The following KLF2 variants were observed in gnomAD, a reference collection of about 807,000 sequenced individuals.
KLF2 encodes KLF transcription factor 2, also known as Krueppel-like factor 2.
Under a neutral mutation model 22.2 loss-of-function variants are expected in KLF2, and 9 were observed. That is an observed-to-expected ratio of 0.40 (90% CI 0.24 to 0.71). The LOEUF (loss-of-function observed/expected upper bound fraction) is 0.71. Among genes scored for constraint, KLF2 ranks in the 30% least tolerant of loss-of-function variants. The probability of loss-of-function intolerance (pLI) is 0.35; values close to 1 mark genes in which losing one functional copy is unlikely to be tolerated. For missense variants in KLF2, 481 were observed against 542.1 expected, an observed-to-expected ratio of 0.89 and a Z score of 1.12; for synonymous variants, 299 against 264.2, an observed-to-expected ratio of 1.13 and a Z score of -1.28.
chr19:16,327,027 T>A lies in KLF2; in HGVS notation c.1064T>A (p.Met355Lys), dbSNP rs1265477199. ...CTGGCGCTGCACATGAAACGGCACA[T>A]GTAGCCGGGACGCCCCCGCCCACCT... ...DHLALHMKRHM is the reference protein window; with the variant it reads ...DHLALHMKRHK Residue 355 changes from methionine (M) to lysine (K), a missense_variant, in exon 3 of 3, where the codon ATG (methionine) becomes AAG (lysine). Physicochemically the swap from Met to Lys is moderately conservative, Grantham distance 95. Coordinates refer to ENST00000248071, the MANE Select transcript of KLF2 (RefSeq NM_016270.4). 6.3e-7 allele frequency: 1 copy of A among 1,591,120 alleles called. No homozygotes were observed. The highest frequency in any genetic ancestry group is 1.3e-5 in the African/African-American group (1 of 74,650).
chr19:16,326,137 T>C (rs2145197025), intron 2 of KLF2, 105 bp downstream of exon 2: 1 of 1,147,978 alleles, frequency 8.7e-7, no homozygotes, highest in Non-Finnish European at 1.2e-6. Context: ...CCTTGGGGCG[T>C]GGCTCAGGGG....
chr19:16,326,803 C>T (rs2091891539), intron 2 of KLF2, 53 bp from the exon 3 acceptor site: 2 of 1,559,498 alleles, frequency 1.3e-6, no homozygotes, highest in Non-Finnish European at 1.7e-6. Context: ...GGTAGCCATA[C>T]GTGCCCTGTC....
Position 16,327,195 on chromosome 19 carries a change from C to G in KLF2, c.*164C>G, listed in dbSNP as rs890260067. 9.6e-6 allele frequency: 6 copies of G among 622,112 alleles called. No individual in the cohort carries two copies. Among genetic ancestry groups the G allele is most frequent in the Admixed American group, 3.3e-5 (1 of 30,300 alleles). The allele number at this position is 622,112 out of a possible 1,614,324, so 38.5% of individuals were successfully genotyped here. A position where few individuals can be genotyped will look rare whatever the true frequency, so the allele number is the denominator to read the frequency against. On this transcript the variant is annotated 3_prime_UTR_variant, in exon 3 of 3. Transcript: ENST00000248071. The stretch of plus-strand genomic sequence containing the variant: ...GATGACGACGACGACGACGCCACCA[C>G]CCCAGCCCCCGTCTGTGACTGAAGG...
chr19:16,325,496 G>A lies in KLF2; in HGVS notation c.356G>A (p.Arg119His), dbSNP rs1371663407. Reference sequence around the variant, plus strand: ...CGCTTTCTGCTGGCGCCGCCCGGCCGCCTGGTCAAGGCCGAGCCCCCTGAA... The same window carrying A: ...CGCTTTCTGCTGGCGCCGCCCGGCCACCTGGTCAAGGCCGAGCCCCCTGAA... ...HGRFLLAPPGRLVKAEPPEAD... is the reference protein window; with the variant it reads ...HGRFLLAPPGHLVKAEPPEAD... The change falls in exon 2 of 3, where the codon CGC (arginine) becomes CAC (histidine). Residue 119 changes from arginine to histidine, a missense_variant. Physicochemically the swap from Arg to His is conservative, Grantham distance 29. Transcript: ENST00000248071. 9.6e-6 allele frequency: 13 copies of A among 1,349,662 alleles called. No individual in the cohort carries two copies. The African/African-American group carries it at 1.4e-4, about 14-fold the overall frequency. The allele number at this position is 1,349,662 out of a possible 1,614,324, so 83.6% of individuals were successfully genotyped here. A position where few individuals can be genotyped will look rare whatever the true frequency, so the allele number is the denominator to read the frequency against.
rs567100463 is a variant in KLF2 at position 16,325,005 on chromosome 19, G to A, written c.75+7G>A. 45 of 1,580,834 alleles carry A rather than the reference G, an allele frequency of 2.8e-5. No individual in the cohort carries two copies. The African/African-American group carries it at 5.1e-4, about 18-fold the overall frequency. ...CGAGCGCGGCCTGCAGGAGGTGAGG[G>A]CGGCGGGGACGGCGGGGCGGCCGGG... On this transcript the variant is annotated splice_region_variant and intron_variant, in intron 1 of 2. Transcript: ENST00000248071.
intron 2 of KLF2, 45 bp from the exon 3 acceptor site, chr19:16,326,811 G>C (rs779606953): frequency 1.3e-6 from 2 of 1,581,160 alleles, no homozygotes; most frequent in African/African-American, 1.3e-5. Flanking sequence ...TACGTGCCCT[G>C]TCCTGGGAGG....
intron 1 of KLF2, 32 bp from the exon 2 acceptor site, chr19:16,325,184 C>T (rs1204372898): frequency 3.0e-5 from 43 of 1,455,684 alleles, no homozygotes; most frequent in Non-Finnish European, 3.3e-5. Context: ...AGCCCCGCCG[C>T]CCGCTCACGC....
At chr19:16,326,406 T>C (rs923205394) in intron 2 of KLF2, among the ~76,000 whole-genome samples, 12 of 151,848 alleles carry the variant, frequency 7.9e-5, no homozygotes, top group African/African-American at 2.9e-4. Context: ...TGGCTCAGAA[T>C]CCCCGGGGCT....
Position 16,325,526 on chromosome 19 carries a change from A to ACGGCGG in KLF2, c.394_399dup (p.Gly132_Gly133dup), listed in dbSNP as rs772362936. The ACGGCGG allele has an allele frequency of 2.4e-6, 3 of 1,267,336 alleles. No homozygotes were observed. The highest frequency in any genetic ancestry group is 3.4e-5 in the East Asian group (1 of 29,346). The allele number at this position is 1,267,336 out of a possible 1,614,324, so 78.5% of individuals were successfully genotyped here. ...GTCAAGGCCGAGCCCCCTGAAGCGG[A>ACGGCGG]CGGCGGCGGCGGCTACGGCTGCGCC... On this transcript the variant is annotated inframe_insertion, in exon 2 of 3. Transcript: ENST00000248071.
At chr19:16,325,097 C>T in intron 1 of KLF2, 99 bp downstream of exon 1, 1 of 1,339,562 alleles carries the variant, frequency 7.5e-7, no homozygotes, top group Non-Finnish European at 1.0e-6. Flanking sequence ...AAGGCGGGGA[C>T]TGCAGACTCA....
chr19:16,325,391 A>G lies in KLF2; in HGVS notation c.251A>G (p.Tyr84Cys). 7.0e-7 allele frequency: 1 copy of G among 1,422,004 alleles called. No individual in the cohort carries two copies. Among genetic ancestry groups the G allele is most frequent in the African/African-American group, 1.5e-5 (1 of 65,502 alleles). The allele number at this position is 1,422,004 out of a possible 1,614,324, so 88.1% of individuals were successfully genotyped here. A position where few individuals can be genotyped will look rare whatever the true frequency, so the allele number is the denominator to read the frequency against. ...YYPEPGAPPP[Y>C]SAPAGGLVSE... ...CCCGAACCCGGCGCGCCCCCGCCCT[A>G]CAGCGCCCCCGCGGGTGGCCTGGTG... Residue 84 changes from tyrosine to cysteine, a missense_variant, in exon 2 of 3, where the codon TAC becomes TGC. Tyr to Cys is a radical substitution (Grantham distance 194). This residue lies in a region of KLF2 where 421 missense variants were observed against 435.1 expected (regional missense o/e 0.97). Transcript: ENST00000248071.
chr19:16,325,299 G>C lies in KLF2; in HGVS notation c.159G>C (p.Leu53=). The change falls in exon 2 of 3, where the codon CTG becomes CTC. Residue 53 remains leucine (L), a synonymous_variant. Coordinates refer to ENST00000248071, the MANE Select transcript of KLF2 (RefSeq NM_016270.4). The part of the protein sequence containing the change: ...SVLDFILSMG[L]DGLGAEAAPE... ...TGGACTTCATCCTGTCCATGGGGCT[G>C]GATGGCCTGGGCGCCGAGGCCGCCC... 1 of 1,507,886 alleles carries C rather than the reference G, an allele frequency of 6.6e-7. No homozygotes were observed. The highest frequency in any genetic ancestry group is 8.8e-7 in the Non-Finnish European group (1 of 1,134,232). 93.4% of individuals were successfully genotyped at this position (1,507,886 alleles called of 1,614,324 possible).
chr19:16,326,942 A>T lies in KLF2; in HGVS notation c.979A>T (p.Thr327Ser). ...GCTCACGCGCCACTACCGAAAGCAC[A>T]CGGGCCACCGGCCATTCCAGTGCCA... is the stretch of plus-strand genomic sequence containing the variant. ...DELTRHYRKH[T>S]GHRPFQCHLC... Residue 327 changes from threonine (T) to serine (S), a missense_variant, in exon 3 of 3, where the codon ACG becomes TCG. By Grantham distance (58) the Thr-to-Ser change is moderately conservative. Around this residue, in one of 2 missense-constraint regions of KLF2, gnomAD observed 60 missense variants for 107.0 expected, o/e 0.56. Coordinates refer to ENST00000248071, the MANE Select transcript of KLF2 (RefSeq NM_016270.4). 1 of 1,613,516 alleles carries T rather than the reference A, an allele frequency of 6.2e-7. No individual in the cohort carries two copies. The highest frequency in any genetic ancestry group is 8.5e-7 in the Non-Finnish European group (1 of 1,179,952).
chr19:16,325,139 G>T (rs1378370988), intron 1 of KLF2, 77 bp from the exon 2 acceptor site: 1 of 1,331,552 alleles, frequency 7.5e-7, no homozygotes, highest in Middle Eastern at 2.5e-4. Flanking sequence ...GGGGATCGCG[G>T]ACTTAGGGTG....
chr19:16,325,512 G>A lies in KLF2; in HGVS notation c.372G>A (p.Glu124=), dbSNP rs2091886431. The part of the protein sequence containing the change: ...LAPPGRLVKA[E]PPEADGGGGY... ...CGCCCGGCCGCCTGGTCAAGGCCGA[G>A]CCCCCTGAAGCGGACGGCGGCGGCG... Residue 124 remains glutamate (E), a synonymous_variant, in exon 2 of 3, where the codon GAG becomes GAA. Coordinates refer to ENST00000248071, the MANE Select transcript of KLF2 (RefSeq NM_016270.4). 1.5e-6 allele frequency: 2 copies of A among 1,293,578 alleles called. No homozygotes were observed. The highest frequency in any genetic ancestry group is 2.0e-6 in the Non-Finnish European group (2 of 1,024,480). The allele number at this position is 1,293,578 out of a possible 1,614,324, so 80.1% of individuals were successfully genotyped here.
chr19:16,326,208 G>C (rs940194465), intron 2 of KLF2, among the ~76,000 whole-genome samples, 176 bp downstream of exon 2: 3 of 151,078 alleles, frequency 2.0e-5, no homozygotes, highest in Non-Finnish European at 1.5e-5. Context: ...AGGTTGGTTG[G>C]GGGGGCACAC....
rs1228365905 is a variant in KLF2 at position 16,327,193 on chromosome 19, C to T, written c.*162C>T. The T allele has an allele frequency of 3.2e-6, 2 of 627,518 alleles. No individual in the cohort carries two copies. The highest frequency in any genetic ancestry group is 5.3e-6 in the Non-Finnish European group (2 of 376,944). The allele number at this position is 627,518 out of a possible 1,614,324, so 38.9% of individuals were successfully genotyped here. A position where few individuals can be genotyped will look rare whatever the true frequency, so the allele number is the denominator to read the frequency against. ...TCGATGACGACGACGACGACGCCAC[C>T]ACCCCAGCCCCCGTCTGTGACTGAA... On this transcript the variant is annotated 3_prime_UTR_variant, in exon 3 of 3. Coordinates refer to ENST00000248071, the MANE Select transcript of KLF2 (RefSeq NM_016270.4).
intron 2 of KLF2, 141 bp from the exon 3 acceptor site, chr19:16,326,715 G>A (rs995962896): frequency 6.1e-6 from 5 of 819,546 alleles, no homozygotes; most frequent in Non-Finnish European, 3.8e-6. Flanking sequence ...GGGATGTAGG[G>A]CAAGGATCCC....
chr19:16,325,144 A>T (rs2091884218), intron 1 of KLF2, 72 bp from the exon 2 acceptor site: 1 of 1,309,202 alleles, frequency 7.6e-7, no homozygotes, highest in Non-Finnish European at 1.0e-6. Flanking sequence ...TCGCGGACTT[A>T]GGGTGGTAAA....
Sources: gnomAD v4.1 joint callset for allele counts (sites outside exome capture counted in the v4.1 genomes callset) on GRCh38, gnomAD v4.1.1 for gene constraint, gnomAD v4.1.1 regional missense constraint, MANE v1.5 for transcripts, NCBI Gene and HGNC (gene_info 2026-07-23, HGNC 2026-07-21) for gene names.